Variants in ASIC2 observed in about 807,000 individuals in gnomAD.
ASIC2 encodes acid sensing ion channel subunit 2.
Under a neutral mutation model 57.3 loss-of-function variants are expected in ASIC2, and 25 were observed. The ratio of observed to expected loss-of-function variants is 0.44; its 90% CI spans 0.32 to 0.61. The LOEUF is 0.61. ASIC2 is among the 20% of genes least tolerant of loss of function. The probability of loss-of-function intolerance (pLI) is 0.06; values close to 1 mark genes in which losing one functional copy is unlikely to be tolerated. For missense variants in ASIC2, 641 were observed against 738.1 expected (o/e 0.87, Z 1.52); for synonymous variants, 319 against 307.5 (o/e 1.04, Z -0.39).
intron 1 of ASIC2, among the ~76,000 whole-genome samples, chr17:33,510,845 A>T (rs1351955021): frequency 1.3e-5 from 2 of 152,116 alleles, no homozygotes; most frequent in East Asian, 3.9e-4. Flanking sequence ...AGGCCTTGTG[A>T]ACCCACATTC....
intron 1 of ASIC2, among the ~76,000 whole-genome samples, chr17:34,016,423 CAAAAAAAAAAAAAA>C (rs398041640): frequency 4.8e-5 from 2 of 41,450 alleles, no homozygotes; most frequent in Admixed American, 5.0e-4. Flanking sequence ...GACTCCGTCT[CAAAAAAAAAAAAAA>C]AAAAAAAAAA....
intron 1 of ASIC2, among the ~76,000 whole-genome samples, chr17:33,367,486 G>A (rs1164402615): frequency 2.0e-5 from 3 of 152,138 alleles, no homozygotes; most frequent in Non-Finnish European, 4.4e-5. Flanking sequence ...GCTAAGACAA[G>A]CTCCCCAGAG....
chr17:33,927,182 G>A (rs1022651392), intron 1 of ASIC2, among the ~76,000 whole-genome samples: 14 of 152,110 alleles, frequency 9.2e-5, no homozygotes, highest in Admixed American at 3.3e-4. Context: ...TCCCACCTTG[G>A]CCTCCCAAAC....
chr17:33,304,195 A>G (rs1906075749), intron 1 of ASIC2, among the ~76,000 whole-genome samples: 1 of 152,242 alleles, frequency 6.6e-6, no homozygotes, highest in Non-Finnish European at 1.5e-5. Flanking sequence ...TTTGCATTAG[A>G]TATAAAAAGT....
intron 1 of ASIC2, among the ~76,000 whole-genome samples, chr17:34,124,699 G>A (rs1911724605): frequency 6.6e-6 from 1 of 152,108 alleles, no homozygotes; most frequent in African/African-American, 2.4e-5. Context: ...GGCTCTTCTT[G>A]GGGGCCCCCT....
At chr17:33,214,073 C>T (rs1907381622) in intron 1 of ASIC2, among the ~76,000 whole-genome samples, 1 of 152,160 alleles carries the variant, frequency 6.6e-6, no homozygotes, top group Admixed American at 6.5e-5. Flanking sequence ...AAGTTCTTGT[C>T]CATCTCTCGT....
At chr17:33,595,938 G>A (rs961286370) in intron 1 of ASIC2, among the ~76,000 whole-genome samples, 3 of 152,158 alleles carry the variant, frequency 2.0e-5, no homozygotes, top group Admixed American at 1.3e-4. Flanking sequence ...AAGCTAAATA[G>A]TTCCTCCCCC....
At chr17:33,064,877 C>T (rs2092036590) in intron 3 of ASIC2, among the ~76,000 whole-genome samples, 1 of 152,116 alleles carries the variant, frequency 6.6e-6, no homozygotes, top group Non-Finnish European at 1.5e-5. Context: ...CTGTGTTTTC[C>T]AAGTTTACAG....
intron 1 of ASIC2, among the ~76,000 whole-genome samples, chr17:34,153,314 G>T (rs913173608): frequency 3.3e-5 from 5 of 152,180 alleles, no homozygotes; most frequent in African/African-American, 1.2e-4. Context: ...AAGTCACCTA[G>T]CATGGTACAA....
At chr17:33,490,026 A>G (rs1274585660) in intron 1 of ASIC2, among the ~76,000 whole-genome samples, 4 of 152,252 alleles carry the variant, frequency 2.6e-5, no homozygotes, top group African/African-American at 4.8e-5. Context: ...GTTGCAACAC[A>G]ATGAATAGAC....
intron 1 of ASIC2, among the ~76,000 whole-genome samples, chr17:33,939,475 T>G (rs1181558765): frequency 6.6e-6 from 1 of 152,234 alleles, no homozygotes; most frequent in Non-Finnish European, 1.5e-5. Context: ...ACAAAGCATG[T>G]CAGCTGAGAA....
chr17:33,214,921 C>G (rs1907419883), intron 1 of ASIC2, among the ~76,000 whole-genome samples: 1 of 152,166 alleles, frequency 6.6e-6, no homozygotes, highest in African/African-American at 2.4e-5. Context: ...AGCTCAGGAG[C>G]TACAGACATA....
upstream of ASIC2, among the ~76,000 whole-genome samples, chr17:33,296,982 G>A (rs1009425639): frequency 9.2e-5 from 14 of 152,192 alleles, no homozygotes; most frequent in African/African-American, 3.4e-4. Flanking sequence ...TGTGTTTAAA[G>A]CTTCTTCCTT....
intron 1 of ASIC2, among the ~76,000 whole-genome samples, chr17:33,837,665 A>G (rs1913313664): frequency 6.6e-6 from 1 of 152,068 alleles, no homozygotes; most frequent in Admixed American, 6.6e-5. Flanking sequence ...TCTGCCTCCA[A>G]TTTTGCCCTA....
chr17:33,902,677 A>G (rs906313585), intron 1 of ASIC2, among the ~76,000 whole-genome samples: 15 of 152,212 alleles, frequency 9.9e-5, no homozygotes, highest in Non-Finnish European at 4.4e-5. Flanking sequence ...AATGCAAGAC[A>G]GTCAACATCT....
At chr17:33,519,578 A>G (rs1914680704) in intron 1 of ASIC2, among the ~76,000 whole-genome samples, 1 of 152,130 alleles carries the variant, frequency 6.6e-6, no homozygotes. Flanking sequence ...TCTCCATGTT[A>G]ATCAGCGCAC....
At chr17:33,354,273 G>A (rs1381262240) in intron 1 of ASIC2, among the ~76,000 whole-genome samples, 1 of 152,092 alleles carries the variant, frequency 6.6e-6, no homozygotes, top group African/African-American at 2.4e-5. Flanking sequence ...TCTACCAATG[G>A]TGGTTCATGA....
chr17:33,913,757 G>T (rs1209714018), intron 1 of ASIC2, among the ~76,000 whole-genome samples: 2 of 148,560 alleles, frequency 1.3e-5, no homozygotes, highest in African/African-American at 5.3e-5. Context: ...AAAATGATAA[G>T]TGTATGTCAG....
intron 1 of ASIC2, among the ~76,000 whole-genome samples, chr17:33,368,896 G>A (rs1420492986): frequency 5.3e-5 from 8 of 152,164 alleles, no homozygotes; most frequent in Non-Finnish European, 1.5e-5. Flanking sequence ...GGTACCAGGT[G>A]CTGGATGGCT....
Sources: allele counts gnomAD v4.1 joint callset (sites outside exome capture counted in the v4.1 genomes callset), GRCh38; gene constraint gnomAD v4.1.1; transcripts MANE v1.5; gene names NCBI Gene and HGNC (gene_info 2026-07-23, HGNC 2026-07-21).